The following WBP1L variants were observed in gnomAD, a reference collection of about 807,000 sequenced individuals.
WBP1L encodes the protein WW domain binding protein 1-like.
WBP1L carries 17 observed loss-of-function variants against 33.7 expected under a neutral mutation model. That is an observed-to-expected ratio of 0.50 (90% CI 0.34 to 0.76). The LOEUF (loss-of-function observed/expected upper bound fraction) is 0.76. WBP1L is among the 30% of genes least tolerant of loss of function. The pLI is 0.01. For synonymous variants in WBP1L, 173 were observed against 190.8 expected (o/e 0.91, Z 0.77); for missense variants, 389 against 469.4 (o/e 0.83, Z 1.58).
intron 1 of WBP1L, chr10:102,744,537 C>T: frequency 1.0e-6 from 1 of 961,128 alleles, no homozygotes; most frequent in South Asian, 4.8e-5. Flanking sequence ...ATTGAGTTGG[C>T]CTGTGAGGGA....
At chr10:102,781,145 C>A (rs1170049804) in intron 1 of WBP1L, among the ~76,000 whole-genome samples, 1 of 152,144 alleles carries the variant, frequency 6.6e-6, no homozygotes, top group Non-Finnish European at 1.5e-5. Context: ...GACAAGGCAA[C>A]TAGAATGTTG....
intron 1 of WBP1L, among the ~76,000 whole-genome samples, chr10:102,755,106 T>C (rs753650103): frequency 2.6e-4 from 40 of 151,738 alleles, no homozygotes; most frequent in Non-Finnish European, 4.9e-4. Flanking sequence ...CGCACCACCA[T>C]GCCCAGCTAA....
chr10:102,805,531 A>G (rs886819169), intron 2 of WBP1L, among the ~76,000 whole-genome samples: 1 of 151,924 alleles, frequency 6.6e-6, no homozygotes, highest in African/African-American at 2.4e-5. Context: ...CCAAGTAGCT[A>G]GGATTTTAGT....
chr10:102,754,500 G>C (rs1406536090), intron 1 of WBP1L, among the ~76,000 whole-genome samples: 1 of 152,090 alleles, frequency 6.6e-6, no homozygotes, highest in Non-Finnish European at 1.5e-5. Context: ...CCAGGTTCAA[G>C]CGATTCTCCT....
intron 1 of WBP1L, among the ~76,000 whole-genome samples, chr10:102,766,704 G>C (rs1372673281): frequency 6.6e-6 from 1 of 151,260 alleles, no homozygotes; most frequent in African/African-American, 2.4e-5. Flanking sequence ...ATGGTGGCAC[G>C]AGCCTGTAGT....
At chr10:102,755,138 C>T (rs1462636157) in intron 1 of WBP1L, among the ~76,000 whole-genome samples, 3 of 151,602 alleles carry the variant, frequency 2.0e-5, no homozygotes, top group Non-Finnish European at 4.4e-5. Flanking sequence ...TAACTAGAGA[C>T]GGGTTTCACC....
At chr10:102,757,987 G>A (rs1421044850) in intron 1 of WBP1L, among the ~76,000 whole-genome samples, 1 of 129,966 alleles carries the variant, frequency 7.7e-6, no homozygotes, top group East Asian at 2.5e-4. Context: ...CCAGGTTCAG[G>A]CAATTCCCCT....
intron 1 of WBP1L, among the ~76,000 whole-genome samples, chr10:102,792,442 C>A (rs1843512586): frequency 6.6e-6 from 1 of 152,180 alleles, no homozygotes; most frequent in Non-Finnish European, 1.5e-5. Context: ...GATCTTGTTA[C>A]CTCCCTGTAC....
Position 102,791,563 on chromosome 10 carries a change from C to T in WBP1L, c.91-6430C>T, listed in dbSNP as rs190703275. ...CCTGTAATCCCAGCACTTTGGGAGG[C>T]CGAGGTGGGAGGATCCCTTGAGCCC... On this transcript the variant is annotated intron_variant, in intron 1 of 3. Coordinates refer to ENST00000448841, the MANE Select transcript of WBP1L (RefSeq NM_001083913.2). Among the ~76,000 whole-genome samples the T allele has an allele frequency of 4.4e-3, 674 of 152,254 alleles. 5 individuals carry two copies. Among genetic ancestry groups the T allele is most frequent in the Middle Eastern group, 0.01 (3 of 294 alleles).
chr10:102,798,898 C>T (rs1224935491), intron 2 of WBP1L, among the ~76,000 whole-genome samples: 1 of 152,230 alleles, frequency 6.6e-6, no homozygotes, highest in Non-Finnish European at 1.5e-5. Context: ...CAGTCTTTCC[C>T]TAGGTCCTTG....
chr10:102,806,856 C>T (rs1843744064), intron 2 of WBP1L, among the ~76,000 whole-genome samples: 1 of 151,976 alleles, frequency 6.6e-6, no homozygotes, highest in Non-Finnish European at 1.5e-5. Flanking sequence ...TCCAGGGGGA[C>T]AGAGAAAGAG....
In WBP1L at chr10:102,798,046, A is replaced by G; in HGVS notation, c.144A>G (p.Gly48=). 2.5e-6 allele frequency: 4 copies of G among 1,614,178 alleles called. No individual in the cohort carries two copies. Among genetic ancestry groups the G allele is most frequent in the Non-Finnish European group, 1.7e-6 (2 of 1,180,030 alleles). ...ATCAAAGCTACATCTGTGACACAGG[A>G]CACTGCTGTGGACAGTCTCAGTGCT... ...TNNQSYICDT[G]HCCGQSQCCN... is the part of the protein sequence containing the mutation. Residue 48 remains glycine (G), a synonymous_variant, in exon 2 of 4, where the codon GGA becomes GGG. Coordinates refer to ENST00000448841, the MANE Select transcript of WBP1L (RefSeq NM_001083913.2).
At chr10:102,781,478 T>G (rs986112225) in intron 1 of WBP1L, among the ~76,000 whole-genome samples, 4 of 151,982 alleles carry the variant, frequency 2.6e-5, no homozygotes, top group Non-Finnish European at 4.4e-5. Flanking sequence ...GGGCCTGGAG[T>G]ACAAGTCTTC....
intron 1 of WBP1L, among the ~76,000 whole-genome samples, chr10:102,753,395 A>G (rs1842943069): frequency 6.6e-6 from 1 of 152,234 alleles, no homozygotes; most frequent in South Asian, 2.1e-4. Flanking sequence ...CCACAAAGAA[A>G]CACAAGTAAA....
rs746042063 is a variant in WBP1L at position 102,810,071 on chromosome 10, C to G, written c.355+17C>G. On this transcript the variant is annotated intron_variant, in intron 3 of 3. Coordinates refer to ENST00000448841, the MANE Select transcript of WBP1L (RefSeq NM_001083913.2). ...TTTATTTCAGTACGTACACCCAAGC[C>G]CCCATACCCACCCTCAGGAGCTCAG... The G allele has an allele frequency of 2.5e-6, 4 of 1,596,096 alleles. No individual in the cohort carries two copies. Among genetic ancestry groups the G allele is most frequent in the Non-Finnish European group, 3.4e-6 (4 of 1,171,376 alleles).
Position 102,814,056 on chromosome 10 carries a change from C to A in WBP1L, c.*725C>A, listed in dbSNP as rs1843891235. 1 of 152,146 alleles carries A rather than the reference C, an allele frequency of 6.6e-6. No homozygotes were observed. The highest frequency in any genetic ancestry group is 2.1e-4 in the South Asian group (1 of 4,830). 9.4% of individuals were successfully genotyped at this position (152,146 alleles called of 1,614,324 possible). ...TTTCTTTGTTTGTTTGTTTTTTTCTCTAAAAACAAACAGCAAAAGACAGCT... is the reference window on the plus strand; with the variant it reads ...TTTCTTTGTTTGTTTGTTTTTTTCTATAAAAACAAACAGCAAAAGACAGCT... On this transcript the variant is annotated 3_prime_UTR_variant, in exon 4 of 4. Coordinates refer to ENST00000448841, the MANE Select transcript of WBP1L (RefSeq NM_001083913.2).
At chr10:102,804,051 G>C (rs12356821) in intron 2 of WBP1L, 16,794 of 152,088 alleles carry the variant, frequency 0.11, 1,173 homozygotes, top group Non-Finnish European at 0.16. Context: ...ATGTAAAAAT[G>C]AACTTTCTTC....
At chr10:102,757,569 C>CTTTTT (rs60213859) in intron 1 of WBP1L, among the ~76,000 whole-genome samples, 1,599 of 88,778 alleles carry the variant, frequency 0.018, 25 homozygotes, top group East Asian at 0.034. Flanking sequence ...GTTTCTGAGC[C>CTTTTT]TTTTTTTTTT....
At chr10:102,807,011 C>T (rs1169778679) in intron 2 of WBP1L, among the ~76,000 whole-genome samples, 1 of 151,902 alleles carries the variant, frequency 6.6e-6, no homozygotes, top group Admixed American at 6.6e-5. Flanking sequence ...TTTTTTTAAA[C>T]AAGGTTAACT....
Sources: allele counts gnomAD v4.1 joint callset (sites outside exome capture counted in the v4.1 genomes callset), GRCh38; gene constraint gnomAD v4.1.1; transcripts MANE v1.5; gene names NCBI Gene and HGNC (gene_info 2026-07-23, HGNC 2026-07-21).